TMEM123: variants seen among roughly 807,000 people sequenced by gnomAD.
TMEM123 encodes porimin.
TMEM123 carries 16 observed loss-of-function variants against 19.7 expected under a neutral mutation model. That is an observed-to-expected ratio of 0.81 (90% confidence interval 0.55 to 1.23). The LOEUF (loss-of-function observed/expected upper bound fraction) is 1.23, where lower values mean the gene tolerates loss of function less well. Among genes scored for constraint, TMEM123 ranks in the 50% most tolerant of loss-of-function variants. The pLI is 0.00. For missense variants in TMEM123, 313 were observed against 257.8 expected, an observed-to-expected ratio of 1.21 and a Z score of -1.47; for synonymous variants, 118 against 99.4, an observed-to-expected ratio of 1.19 and a Z score of -1.12.
intron 2 of TMEM123, among the ~76,000 whole-genome samples, chr11:102,427,057 T>G (rs1035215750): frequency 1.7e-4 from 26 of 151,630 alleles, no homozygotes; most frequent in Non-Finnish European, 3.5e-4. Context: ...CAGGGTTTTT[T>G]GTTTTGCGGG....
chr11:102,450,245 C>A (rs1009131215), intron 1 of TMEM123, among the ~76,000 whole-genome samples: 4 of 152,276 alleles, frequency 2.6e-5, no homozygotes, highest in South Asian at 2.1e-4. Context: ...AATTTCTTGG[C>A]GACTTATTTG....
At chr11:102,449,259 G>C (rs1041703291) in intron 1 of TMEM123, 3 of 179,300 alleles carry the variant, frequency 1.7e-5, no homozygotes, top group Admixed American at 5.6e-5. Context: ...CTACTCACAG[G>C]CATCTCTAGG....
chr11:102,422,290 A>G (rs1441083062), intron 2 of TMEM123, among the ~76,000 whole-genome samples: 1 of 152,160 alleles, frequency 6.6e-6, no homozygotes, highest in East Asian at 1.9e-4. Context: ...CCTGGCCAAC[A>G]TGACGAAACC....
intron 1 of TMEM123, among the ~76,000 whole-genome samples, chr11:102,451,728 A>G (rs12799526): frequency 0.068 from 10,307 of 152,370 alleles, 469 homozygotes; most frequent in Middle Eastern, 0.16. Context: ...TGAAGTCTCC[A>G]AAGGGCCAAG....
chr11:102,402,560 A>G (rs1339919932), intron 2 of TMEM123, among the ~76,000 whole-genome samples: 1 of 152,228 alleles, frequency 6.6e-6, no homozygotes, highest in Non-Finnish European at 1.5e-5. Flanking sequence ...CTTTCAACAA[A>G]TATCTGTTGA....
intron 2 of TMEM123, among the ~76,000 whole-genome samples, chr11:102,413,273 C>T (rs145991273): frequency 3.2e-4 from 49 of 152,314 alleles, no homozygotes; most frequent in African/African-American, 9.4e-4. Flanking sequence ...TGTTAATCCA[C>T]ACCAAGAGAA....
intron 2 of TMEM123, among the ~76,000 whole-genome samples, chr11:102,405,198 A>G (rs548519840): frequency 1.0e-3 from 152 of 151,644 alleles, no homozygotes; most frequent in Admixed American, 3.6e-3. Context: ...ACAGGCGCCC[A>G]CCACCACGCC....
intron 2 of TMEM123, among the ~76,000 whole-genome samples, chr11:102,443,718 C>T (rs1314969220): frequency 6.6e-6 from 1 of 152,142 alleles, no homozygotes; most frequent in Non-Finnish European, 1.5e-5. Flanking sequence ...AACTGAAGAG[C>T]TTTTGCATGG....
intron 2 of TMEM123, among the ~76,000 whole-genome samples, chr11:102,431,473 A>G (rs1251645085): frequency 6.6e-6 from 1 of 152,212 alleles, no homozygotes; most frequent in Non-Finnish European, 1.5e-5. Flanking sequence ...TATGCTGTGC[A>G]ATAGAACTAG....
chr11:102,402,154 A>G lies in TMEM123; in HGVS notation c.210T>C (p.Thr70=), dbSNP rs777122836. 3.4e-5 allele frequency: 55 copies of G among 1,614,044 alleles called. No homozygotes were observed. Among genetic ancestry groups the G allele is most frequent in the Non-Finnish European group, 4.1e-5 (48 of 1,180,024 alleles). Residue 70 remains threonine, a synonymous_variant, in exon 3 of 5, where the codon ACT becomes ACC. Transcript: ENST00000398136. ...AGGCAACTGAAGTTGGTGGTTTCACAGTACTGTTGGAAGTTTCATTTGTAT... is the reference window on the plus strand; with the variant it reads ...AGGCAACTGAAGTTGGTGGTTTCACGGTACTGTTGGAAGTTTCATTTGTAT... ...SDHTNETSNS[T]VKPPTSVASD...
intron 2 of TMEM123, among the ~76,000 whole-genome samples, chr11:102,441,477 G>C (rs1348760693): frequency 6.6e-6 from 1 of 152,120 alleles, no homozygotes. Flanking sequence ...CAGAAATAAA[G>C]ATGTTATTTA....
chr11:102,421,507 A>T (rs1227330687), intron 2 of TMEM123, among the ~76,000 whole-genome samples: 1 of 151,558 alleles, frequency 6.6e-6, no homozygotes, highest in African/African-American at 2.4e-5. Flanking sequence ...CAACAAAGAG[A>T]TATTCAGTCA....
intron 2 of TMEM123, among the ~76,000 whole-genome samples, chr11:102,405,574 A>G: frequency 6.6e-6 from 1 of 152,228 alleles, no homozygotes; most frequent in Non-Finnish European, 1.5e-5. Flanking sequence ...TTCTATTGCA[A>G]TGAAATTAAA....
intron 2 of TMEM123, among the ~76,000 whole-genome samples, chr11:102,426,978 C>G (rs1337997173): frequency 6.8e-6 from 1 of 146,524 alleles, no homozygotes; most frequent in African/African-American, 2.5e-5. Flanking sequence ...TATTGCCAAA[C>G]CAAATTGAAG....
In TMEM123 at chr11:102,396,415, A is replaced by G. The variant is rs1333058337; in HGVS notation, c.*2452T>C. 1.3e-5 allele frequency: 2 copies of G among 152,016 alleles called. No individual in the cohort carries two copies. The highest frequency in any genetic ancestry group is 2.9e-5 in the Non-Finnish European group (2 of 68,030). 9.4% of individuals were successfully genotyped at this position (152,016 alleles called of 1,614,324 possible). On this transcript the variant is annotated 3_prime_UTR_variant, in exon 5 of 5. Coordinates refer to ENST00000398136, the MANE Select transcript of TMEM123 (RefSeq NM_052932.3). ...AAGCTGGTCATTATAATAAAAAGAAAAGAAGAGTTTAACTTTTTTTTTGTG... is the reference window on the plus strand; with the variant it reads ...AAGCTGGTCATTATAATAAAAAGAAGAGAAGAGTTTAACTTTTTTTTTGTG...
intron 2 of TMEM123, among the ~76,000 whole-genome samples, chr11:102,413,302 C>G (rs998419863): frequency 2.6e-5 from 4 of 152,126 alleles, no homozygotes; most frequent in African/African-American, 9.7e-5. Context: ...GAAAAACTTG[C>G]TCTGTCAAAA....
chr11:102,443,395 T>A (rs1857847481), intron 2 of TMEM123, among the ~76,000 whole-genome samples: 1 of 152,014 alleles, frequency 6.6e-6, no homozygotes, highest in Non-Finnish European at 1.5e-5. Context: ...AATACCACAC[T>A]TCTACAACCA....
chr11:102,428,164 T>A (rs1952145528), intron 2 of TMEM123, among the ~76,000 whole-genome samples: 1 of 152,088 alleles, frequency 6.6e-6, no homozygotes, highest in South Asian at 2.1e-4. Context: ...AAAACAAGAG[T>A]ACATTAATTT....
At chr11:102,439,170 A>G (rs1444024634) in intron 2 of TMEM123, among the ~76,000 whole-genome samples, 1 of 152,194 alleles carries the variant, frequency 6.6e-6, no homozygotes, top group Non-Finnish European at 1.5e-5. Flanking sequence ...AGCAGGGCAT[A>G]CATAGCTGAA....
Sources: allele counts gnomAD v4.1 joint callset (sites outside exome capture counted in the v4.1 genomes callset), GRCh38; gene constraint gnomAD v4.1.1; transcripts MANE v1.5; gene names NCBI Gene and HGNC (gene_info 2026-07-23, HGNC 2026-07-21).